The following MMP26 variants were observed in gnomAD, a reference collection of about 807,000 sequenced individuals.
The protein encoded by MMP26 is matrix metallopeptidase 26.
Under a neutral mutation model 31.0 loss-of-function variants are expected in MMP26, and 33 were observed. The ratio of observed to expected loss-of-function variants is 1.06; its 90% CI spans 0.81 to 1.42. The LOEUF is 1.42. MMP26 is among the 40% of genes most tolerant of loss of function. The probability of loss-of-function intolerance (pLI) is 0.00; values close to 1 mark genes in which losing one functional copy is unlikely to be tolerated. For synonymous variants in MMP26, 122 were observed against 114.9 expected (o/e 1.06, Z -0.40); for missense variants, 347 against 316.1 (o/e 1.10, Z -0.74).
At chr11:4,866,979 C>T (rs1850243998) in intron 2 of MMP26, among the ~76,000 whole-genome samples, 3 of 151,994 alleles carry the variant, frequency 2.0e-5, no homozygotes, top group Admixed American at 2.0e-4. Flanking sequence ...ATTTAAAAAT[C>T]CCAGAAGAAA....
At chr11:4,804,089 G>C (rs780166679) in intron 2 of MMP26, 10 of 1,614,048 alleles carry the variant, frequency 6.2e-6, no homozygotes, top group Non-Finnish European at 7.6e-6. Flanking sequence ...AGGCAGGCAT[G>C]GTACTGAATC....
intron 2 of MMP26, chr11:4,848,272 T>G (rs1849904034): frequency 1.2e-6 from 2 of 1,612,628 alleles, no homozygotes; most frequent in Non-Finnish European, 1.7e-6. Context: ...GGCTGCAACC[T>G]GTTGAGTATT....
intron 2 of MMP26, among the ~76,000 whole-genome samples, chr11:4,903,269 G>A (rs758243027): frequency 5.9e-5 from 9 of 152,050 alleles, no homozygotes; most frequent in Non-Finnish European, 1.2e-4. Context: ...AACAGAGTAC[G>A]ACAGGCTATG....
rs755548661 is a variant in MMP26, at chr11:4,848,598, G to T, written c.-145+81257G>T. The T allele has an allele frequency of 3.1e-6, 5 of 1,607,120 alleles. No homozygotes were observed. The South Asian group carries it at 5.6e-5, about 18-fold the overall frequency. ...TGAAAGAACCACAAATAGGCTGTAG[G>T]CTGCACCCCAAGCTTCTGGGCAGGC... On this transcript the variant is annotated intron_variant, in intron 2 of 7. Transcript: ENST00000380390.
At chr11:4,852,205 C>G (rs553385215) in intron 2 of MMP26, among the ~76,000 whole-genome samples, 1 of 151,242 alleles carries the variant, frequency 6.6e-6, no homozygotes, top group Non-Finnish European at 1.5e-5. Context: ...AATACATGAA[C>G]CAAAACTGAT....
intron 2 of MMP26, among the ~76,000 whole-genome samples, chr11:4,898,147 A>G (rs1283302147): frequency 6.6e-6 from 1 of 151,596 alleles, no homozygotes; most frequent in Non-Finnish European, 1.5e-5. Flanking sequence ...CTCTGCAAAC[A>G]TATATATTTT....
chr11:4,902,907 G>A (rs1850825095), intron 2 of MMP26, among the ~76,000 whole-genome samples: 1 of 151,806 alleles, frequency 6.6e-6, no homozygotes, highest in Admixed American at 6.6e-5. Flanking sequence ...GCCATGTTGT[G>A]TCTTTTATAT....
intron 2 of MMP26, among the ~76,000 whole-genome samples, chr11:4,921,440 G>A (rs1389807890): frequency 3.9e-5 from 6 of 152,208 alleles, no homozygotes; most frequent in Admixed American, 3.9e-4. Flanking sequence ...GATCCGTGAG[G>A]GATTCAAGTC....
intron 2 of MMP26, among the ~76,000 whole-genome samples, chr11:4,771,300 G>A (rs896226480): frequency 1.3e-5 from 2 of 152,124 alleles, no homozygotes; most frequent in Non-Finnish European, 2.9e-5. Flanking sequence ...TCAAAAAAAT[G>A]AGGACCATCA....
Position 4,915,191 on chromosome 11 carries a change from A to G in MMP26, c.-144-72877A>G, listed in dbSNP as rs774622379. ...AAAAGGTAATGGAAAAATGAGTGCTACACTACGACCCAGAGAGACCAGGCC... is the reference window on the plus strand; with the variant it reads ...AAAAGGTAATGGAAAAATGAGTGCTGCACTACGACCCAGAGAGACCAGGCC... On this transcript the variant is annotated intron_variant, in intron 2 of 7. Coordinates refer to ENST00000380390, the MANE Select transcript of MMP26 (RefSeq NM_021801.5). 1.9e-6 allele frequency: 3 copies of G among 1,613,950 alleles called. No homozygotes were observed. The African/African-American group carries it at 4.0e-5, about 22-fold the overall frequency.
intron 2 of MMP26, among the ~76,000 whole-genome samples, chr11:4,812,453 G>A (rs989801859): frequency 2.0e-5 from 3 of 152,228 alleles, no homozygotes; most frequent in East Asian, 3.9e-4. Flanking sequence ...AGAACGCGTG[G>A]CCTGTACTTT....
intron 1 of MMP26, among the ~76,000 whole-genome samples, chr11:4,731,755 A>G (rs1196912506): frequency 6.6e-6 from 1 of 152,198 alleles, no homozygotes; most frequent in Admixed American, 6.5e-5. Flanking sequence ...TTTCCTGTCA[A>G]TTCATAGCCC....
At chr11:4,706,948 A>G (rs1047063986) in intron 1 of MMP26, among the ~76,000 whole-genome samples, 7 of 152,150 alleles carry the variant, frequency 4.6e-5, no homozygotes, top group Admixed American at 3.3e-4. Flanking sequence ...TATTACATGT[A>G]TGTCTTGTGC....
At chr11:4,857,128 C>A (rs1314343697) in intron 2 of MMP26, among the ~76,000 whole-genome samples, 2 of 151,936 alleles carry the variant, frequency 1.3e-5, no homozygotes, top group African/African-American at 4.8e-5. Context: ...CAGGAAAGAT[C>A]TAAAATCGAC....
intron 2 of MMP26, chr11:4,882,947 C>A (rs575578233): frequency 1.5e-6 from 2 of 1,328,132 alleles, no homozygotes; most frequent in Non-Finnish European, 1.0e-6. Flanking sequence ...GCAGTCTTAT[C>A]CACAGGTGTT....
At chr11:4,753,919 C>T (rs1374335737) in intron 1 of MMP26, among the ~76,000 whole-genome samples, 4 of 151,960 alleles carry the variant, frequency 2.6e-5, no homozygotes, top group Non-Finnish European at 5.9e-5. Flanking sequence ...ATCAGTGAGG[C>T]AAATAGTAAG....
intron 2 of MMP26, among the ~76,000 whole-genome samples, chr11:4,815,653 G>A (rs1244806129): frequency 2.0e-5 from 3 of 152,088 alleles, no homozygotes; most frequent in Admixed American, 6.5e-5. Context: ...AAAAATCCTG[G>A]AATATATGCT....
chr11:4,743,928 C>A (rs781415929), intron 1 of MMP26, among the ~76,000 whole-genome samples: 4 of 152,086 alleles, frequency 2.6e-5, no homozygotes, highest in Non-Finnish European at 4.4e-5. Flanking sequence ...GCCTCAACCT[C>A]CTGAGCAGGT....
At chr11:4,866,663 A>G (rs1036036365) in intron 2 of MMP26, among the ~76,000 whole-genome samples, 1 of 152,190 alleles carries the variant, frequency 6.6e-6, no homozygotes, top group African/African-American at 2.4e-5. Flanking sequence ...TGGAGGCATT[A>G]CGCCACCTGA....
Sources: gnomAD v4.1 joint callset for allele counts (sites outside exome capture counted in the v4.1 genomes callset) on GRCh38, gnomAD v4.1.1 for gene constraint, MANE v1.5 for transcripts, NCBI Gene and HGNC (gene_info 2026-07-23, HGNC 2026-07-21) for gene names.